CDK14: variants seen among roughly 807,000 people sequenced by gnomAD.
CDK14 encodes cyclin-dependent kinase 14.
In CDK14, 34 loss-of-function variants were observed where a neutral mutation model predicts 60.7. The observed-to-expected ratio is 0.56, with a 90% CI of 0.43 to 0.75. The LOEUF (loss-of-function observed/expected upper bound fraction) is 0.75. Among genes scored for constraint, CDK14 ranks in the 30% least tolerant of loss-of-function variants. The pLI, the probability that CDK14 is intolerant of heterozygous loss-of-function variation, is 0.00. For synonymous variants in CDK14, 197 were observed against 203.7 expected, an observed-to-expected ratio of 0.97 and a Z score of 0.28; for missense variants, 482 against 564.1, an observed-to-expected ratio of 0.85 and a Z score of 1.47.
chr7:91,036,765 A>G (rs1205964124), intron 10 of CDK14, among the ~76,000 whole-genome samples: 1 of 152,198 alleles, frequency 6.6e-6, no homozygotes, highest in Admixed American at 6.5e-5. Flanking sequence ...CTTCTGTTCA[A>G]CAGTAGGCTA....
At chr7:91,192,313 C>G (rs1456708030) in intron 14 of CDK14, among the ~76,000 whole-genome samples, 1 of 152,166 alleles carries the variant, frequency 6.6e-6, no homozygotes, top group Non-Finnish European at 1.5e-5. Context: ...AGTTGCTCTT[C>G]TAATGATCAG....
intron 10 of CDK14, among the ~76,000 whole-genome samples, chr7:91,020,307 T>C (rs1156986638): frequency 6.6e-6 from 1 of 152,224 alleles, no homozygotes; most frequent in Non-Finnish European, 1.5e-5. Flanking sequence ...TCAAGGGACT[T>C]TGAGCAGTCT....
intron 2 of CDK14, among the ~76,000 whole-genome samples, chr7:90,675,621 A>G (rs986291611): frequency 3.3e-5 from 5 of 152,208 alleles, no homozygotes; most frequent in African/African-American, 9.6e-5. Flanking sequence ...AATAGAAACA[A>G]TTTAATACAT....
At chr7:90,853,931 G>T (rs1790736785) in intron 5 of CDK14, among the ~76,000 whole-genome samples, 1 of 152,024 alleles carries the variant, frequency 6.6e-6, no homozygotes, top group African/African-American at 2.4e-5. Context: ...AATGGTGAAT[G>T]GTCTGTTTCT....
chr7:91,149,323 A>G (rs1800760320), intron 14 of CDK14, among the ~76,000 whole-genome samples: 1 of 150,200 alleles, frequency 6.7e-6, no homozygotes, highest in African/African-American at 2.4e-5. Context: ...GTTACAGCCT[A>G]TTTCTTCATG....
intron 2 of CDK14, among the ~76,000 whole-genome samples, chr7:90,616,647 G>A (rs1382111401): frequency 6.6e-6 from 1 of 152,068 alleles, no homozygotes; most frequent in East Asian, 1.9e-4. Flanking sequence ...TGTTACATGT[G>A]CAACAAAAAA....
At chr7:90,956,671 A>C (rs927144571) in intron 9 of CDK14, among the ~76,000 whole-genome samples, 3 of 152,078 alleles carry the variant, frequency 2.0e-5, no homozygotes, top group African/African-American at 7.2e-5. Context: ...TGTGAAGGTT[A>C]GTTACATATG....
intron 12 of CDK14, among the ~76,000 whole-genome samples, chr7:91,081,013 G>T (rs927934243): frequency 1.4e-4 from 21 of 152,152 alleles, no homozygotes; most frequent in African/African-American, 5.1e-4. Flanking sequence ...GACTTGTTTA[G>T]AACGATGCTA....
intron 2 of CDK14, among the ~76,000 whole-genome samples, chr7:90,719,500 T>A (rs1299543917): frequency 1.3e-5 from 2 of 152,198 alleles, no homozygotes; most frequent in African/African-American, 2.4e-5. Flanking sequence ...GGATTTTACA[T>A]AGCTCTAAGC....
chr7:91,003,020 C>T (rs904193987), intron 10 of CDK14, among the ~76,000 whole-genome samples: 6 of 151,994 alleles, frequency 3.9e-5, no homozygotes, highest in African/African-American at 1.2e-4. Context: ...TATAGTGAGC[C>T]GAGATCACGC....
chr7:90,773,588 C>A (rs76680849), intron 4 of CDK14, among the ~76,000 whole-genome samples: 3,248 of 152,240 alleles, frequency 0.021, 101 homozygotes, highest in African/African-American at 0.071. Flanking sequence ...CTCACTACAG[C>A]CTTGAACTCT....
intron 10 of CDK14, among the ~76,000 whole-genome samples, chr7:91,023,448 A>G (rs1796486430): frequency 2.6e-5 from 4 of 152,194 alleles, no homozygotes; most frequent in South Asian, 2.1e-4. Flanking sequence ...AATACTCTTA[A>G]TGGGATTATA....
chr7:90,688,722 C>T (rs1423299381), intron 2 of CDK14, among the ~76,000 whole-genome samples: 1 of 151,998 alleles, frequency 6.6e-6, no homozygotes, highest in African/African-American at 2.4e-5. Context: ...GGAGAATGTC[C>T]CAAAACAGGA....
At chr7:90,899,733 A>G (rs775957374) in intron 7 of CDK14, among the ~76,000 whole-genome samples, 33 of 152,046 alleles carry the variant, frequency 2.2e-4, no homozygotes, top group Non-Finnish European at 2.1e-4. Flanking sequence ...ATCCAAAACA[A>G]TGTTATGGTG....
intron 5 of CDK14, among the ~76,000 whole-genome samples, chr7:90,799,427 C>G (rs1402454286): frequency 6.6e-6 from 1 of 152,010 alleles, no homozygotes; most frequent in East Asian, 1.9e-4. Flanking sequence ...GTGGCTCACA[C>G]CTGTAATCCC....
intron 14 of CDK14, among the ~76,000 whole-genome samples, chr7:91,179,503 A>T (rs575101521): frequency 1.3e-4 from 7 of 52,942 alleles, no homozygotes; most frequent in Non-Finnish European, 2.1e-4. Context: ...TTAAAGTATA[A>T]TTAAAAAAAA....
In CDK14 at chr7:90,994,871, G is replaced by C. The variant is rs572885998; in HGVS notation, c.1041+10630G>C. On this transcript the variant is annotated intron_variant, in intron 10 of 14. Coordinates refer to ENST00000380050, the MANE Select transcript of CDK14 (RefSeq NM_001287135.2). ...GAGGAGGTGGTGACACTTCTTAGCA[G>C]ATTCCCTAAATGTTCTCCATAAAGC... 3.9e-4 allele frequency among the ~76,000 whole-genome samples: 59 copies of C among 152,320 alleles called. 1 individual carries two copies. In the South Asian group the frequency reaches 9.7e-3, roughly 25 times the overall value.
chr7:90,908,234 C>G (rs575438668), intron 7 of CDK14, among the ~76,000 whole-genome samples: 1 of 152,120 alleles, frequency 6.6e-6, no homozygotes, highest in East Asian at 1.9e-4. Context: ...GTTAGACATT[C>G]AGAGGGGATC....
intron 2 of CDK14, among the ~76,000 whole-genome samples, chr7:90,713,163 G>C (rs1459832365): frequency 6.6e-6 from 1 of 152,070 alleles, no homozygotes; most frequent in Non-Finnish European, 1.5e-5. Flanking sequence ...CTGTTTCTCA[G>C]ATTTCTTCCT....
Sources: gnomAD v4.1 joint callset for allele counts (sites outside exome capture counted in the v4.1 genomes callset) on GRCh38, gnomAD v4.1.1 for gene constraint, MANE v1.5 for transcripts, NCBI Gene and HGNC (gene_info 2026-07-23, HGNC 2026-07-21) for gene names.